UBTF: variants seen among roughly 807,000 people sequenced by gnomAD.
The protein encoded by UBTF is nucleolar transcription factor 1.
Under a neutral mutation model 112.3 loss-of-function variants are expected in UBTF, and 8 were observed. That is an observed-to-expected ratio of 0.07 (90% CI 0.04 to 0.13). The LOEUF (loss-of-function observed/expected upper bound fraction) is 0.13, where lower values mean the gene tolerates loss of function less well. Among genes scored for constraint, UBTF ranks in the 10% least tolerant of loss-of-function variants. The pLI is 1.00. For missense variants in UBTF, 457 were observed against 982.1 expected, an observed-to-expected ratio of 0.47 and a Z score of 7.15; for synonymous variants, 417 against 373.1, an observed-to-expected ratio of 1.12 and a Z score of -1.36.
In UBTF at chr17:44,211,634, T is replaced by C; in HGVS notation, c.1019A>G (p.Lys340Arg). Residue 340 changes from lysine to arginine, a missense_variant, in exon 10 of 21, where the codon AAG becomes AGG. Transcript: ENST00000436088. This position sits in a 1 kb window ranked among gnomAD's most constrained non-coding sequence, Gnocchi z 4.9. ...ATCACACTTCTTGTGATAGGCGTCCTTCTCCTTCTGGGACAGCAGCTTCCA... is the reference window on the plus strand; with the variant it reads ...ATCACACTTCTTGTGATAGGCGTCCCTCTCCTTCTGGGACAGCAGCTTCCA... ...QQWKLLSQKE[K>R]DAYHKKCDQK... 6.2e-7 allele frequency: 1 copy of C among 1,611,768 alleles called. No individual in the cohort carries two copies. Among genetic ancestry groups the C allele is most frequent in the Non-Finnish European group, 8.5e-7 (1 of 1,179,942 alleles).
chr17:44,220,049 G>GGCGGCTGCT (rs2047098739), upstream of UBTF, among the ~76,000 whole-genome samples: 1 of 141,192 alleles, frequency 7.1e-6, no homozygotes, highest in Non-Finnish European at 1.6e-5. Context: ...TGGCGGCGGC[G>GGCGGCTGCT]GCGGCTGCTG....
rs2047051992 is a variant in UBTF, at chr17:44,219,451, C to T, written c.-74G>A. 1 of 152,270 alleles carries T rather than the reference C, an allele frequency of 6.6e-6. No individual in the cohort carries two copies. The highest frequency in any genetic ancestry group is 1.5e-5 in the Non-Finnish European group (1 of 67,998). The allele number at this position is 152,270 out of a possible 1,614,324, so 9.4% of individuals were successfully genotyped here. On this transcript the variant is annotated 5_prime_UTR_variant, in exon 1 of 21. Transcript: ENST00000436088. ...CCTCAGCCGCCTCGGTTACCCGGCG[C>T]AGCGCGGCCTCCGGGCTTCCCGCTC...
intron 7 of UBTF, 40 bp downstream of exon 7, chr17:44,212,779 C>T: frequency 1.2e-6 from 2 of 1,610,234 alleles, no homozygotes; most frequent in Non-Finnish European, 1.7e-6. Context: ...CTGGCCACCG[C>T]CGTGCATCCT....
rs770607035 is a variant in UBTF, at chr17:44,207,237, G to A, written c.*5C>T. The A allele has an allele frequency of 7.4e-6, 12 of 1,613,402 alleles. No homozygotes were observed. Among genetic ancestry groups the A allele is most frequent in the Non-Finnish European group, 1.0e-5 (12 of 1,179,844 alleles). On this transcript the variant is annotated 3_prime_UTR_variant, in exon 21 of 21. Transcript: ENST00000436088. ...TCCCTGGCTGCCCTGGGGTGGGGCT[G>A]AGCCTCAGTTGGAGTCAGAGTCTGA...
chr17:44,208,498 G>A (rs1275490357), intron 17 of UBTF: 2 of 136,694 alleles, frequency 1.5e-5, no homozygotes. Context: ...TTTCGCAAAT[G>A]GAAGCTCCTA....
At chr17:44,215,490 G>A (rs1355909494) in intron 5 of UBTF, 164 bp downstream of exon 5, 17 of 830,492 alleles carry the variant, frequency 2.0e-5, no homozygotes, top group Non-Finnish European at 2.8e-5. Context: ...TGTGTGGGCC[G>A]AGGAAGGGGC....
At position 44,210,307 on chromosome 17, in the gene UBTF, A is replaced by C. The variant is rs202013296; in HGVS notation, c.1515+11T>G. The stretch of plus-strand genomic sequence containing the variant: ...AGAGGCTGCAGTACTACCCTTTCCC[A>C]CCCCTGTCACCTTGAAGCGGGCCAG... On this transcript the variant is annotated intron_variant, in intron 14 of 20. Transcript: ENST00000436088. The C allele has an allele frequency of 4.3e-6, 7 of 1,614,040 alleles. No individual in the cohort carries two copies. Among genetic ancestry groups the C allele is most frequent in the Non-Finnish European group, 5.1e-6 (6 of 1,179,980 alleles).
At chr17:44,220,560 C>T (rs1208511379), upstream of UBTF, among the ~76,000 whole-genome samples, 5 of 151,954 alleles carry the variant, frequency 3.3e-5, no homozygotes, top group Admixed American at 1.3e-4. Flanking sequence ...ATCCCCGTTG[C>T]TCTTTACACC....
At chr17:44,220,728 G>A (rs772016769), upstream of UBTF, 3 of 151,710 alleles carry the variant, frequency 2.0e-5, no homozygotes, top group Non-Finnish European at 2.9e-5. Flanking sequence ...CGCGGCTCCC[G>A]GGCTCACTTA....
intron 3 of UBTF, 154 bp downstream of exon 3, chr17:44,216,375 C>T (rs912515288): frequency 2.3e-6 from 2 of 886,550 alleles, no homozygotes; most frequent in Admixed American, 2.2e-5. Flanking sequence ...AACCGTGCCA[C>T]CTCCCAAAAT....
Position 44,212,466 on chromosome 17 carries a change from A to G in UBTF, c.661-12T>C. 7.3e-7 allele frequency: 1 copy of G among 1,361,336 alleles called. No homozygotes were observed. Among genetic ancestry groups the G allele is most frequent in the Non-Finnish European group, 9.9e-7 (1 of 1,015,052 alleles). 84.3% of individuals were successfully genotyped at this position (1,361,336 alleles called of 1,614,324 possible). A position where few individuals can be genotyped will look rare whatever the true frequency, so the allele number is the denominator to read the frequency against. Reference sequence around the variant, plus strand: ...TCCTTCGTAGTGGCCTGCAAACCAAAAGCCGTCAGACACGCACAGGCAGCC... The same window carrying G: ...TCCTTCGTAGTGGCCTGCAAACCAAGAGCCGTCAGACACGCACAGGCAGCC... On this transcript the variant is annotated splice_polypyrimidine_tract_variant and intron_variant, in intron 7 of 20. Coordinates refer to ENST00000436088, the MANE Select transcript of UBTF (RefSeq NM_014233.4).
chr17:44,216,770 C>A, intron 2 of UBTF, 66 bp from the exon 3 acceptor site: 3 of 1,533,004 alleles, frequency 2.0e-6, no homozygotes, highest in Non-Finnish European at 1.8e-6. Flanking sequence ...TTCCCCAGTT[C>A]TTGAGTGCTC....
At position 44,207,522 on chromosome 17, in the gene UBTF, C is replaced by T. The variant is rs779768259; in HGVS notation, c.2101G>A (p.Asp701Asn). 1.3e-5 allele frequency: 21 copies of T among 1,614,072 alleles called. No individual in the cohort carries two copies. The highest frequency in any genetic ancestry group is 1.8e-5 in the Non-Finnish European group (21 of 1,180,010). Residue 701 changes from aspartate (D) to asparagine (N), a missense_variant, in exon 20 of 21, where the codon GAC becomes AAC. Physicochemically the swap from Asp to Asn is conservative, Grantham distance 23 (BLOSUM62 1). Around this residue, in one of 7 missense-constraint regions of UBTF, gnomAD observed 139 missense variants for 157.5 expected, o/e 0.88. Coordinates refer to ENST00000436088, the MANE Select transcript of UBTF (RefSeq NM_014233.4). ...GAGTCGCCGCCATCTTCAGAGGAGTCCCCATTCTCATCATCTTCCTCTTCT... is the reference window on the plus strand; with the variant it reads ...GAGTCGCCGCCATCTTCAGAGGAGTTCCCATTCTCATCATCTTCCTCTTCT... Reference protein sequence around the residue: ...DEEEEDDENGDSSEDGGDSSE... With the variant: ...DEEEEDDENGNSSEDGGDSSE...
rs1282329380 is a variant in UBTF, at chr17:44,216,709, TAA to T, written c.59-7_59-6del. The T allele has an allele frequency of 6.2e-7, 1 of 1,613,924 alleles. No individual in the cohort carries two copies. Among genetic ancestry groups the T allele is most frequent in the African/African-American group, 1.3e-5 (1 of 74,928 alleles). ...TGTCTTCCTGGGACCAACGGTCTGG[TAA>T]AGAGTAACAGAGGCCATCATGCCTG... On this transcript the variant is annotated splice_region_variant and splice_polypyrimidine_tract_variant and intron_variant, in intron 2 of 20. Coordinates refer to ENST00000436088, the MANE Select transcript of UBTF (RefSeq NM_014233.4).
Position 44,211,837 on chromosome 17 carries a change from T to G in UBTF, c.905+36A>C. Reference sequence around the variant, plus strand: ...GCAGAGCCCAGCCCAACTTCCCAGCTGCCCACTCGCCCACCCATCCCAGGG... The same window carrying G: ...GCAGAGCCCAGCCCAACTTCCCAGCGGCCCACTCGCCCACCCATCCCAGGG... On this transcript the variant is annotated intron_variant, in intron 9 of 20. Transcript: ENST00000436088. The surrounding 1 kb of genome is among the most constrained non-coding windows in gnomAD (Gnocchi z 4.9). The G allele has an allele frequency of 6.2e-7, 1 of 1,605,420 alleles. No individual in the cohort carries two copies. Among genetic ancestry groups the G allele is most frequent in the Non-Finnish European group, 8.5e-7 (1 of 1,175,958 alleles).
At chr17:44,213,035 C>G in intron 6 of UBTF, 96 bp from the exon 7 acceptor site, 2 of 1,568,904 alleles carry the variant, frequency 1.3e-6, no homozygotes, top group Non-Finnish European at 1.7e-6. Flanking sequence ...GGCCTTTCAG[C>G]TGGGGCTCAG....
intron 5 of UBTF, among the ~76,000 whole-genome samples, chr17:44,214,608 C>T (rs1282247450): frequency 6.6e-6 from 1 of 151,664 alleles, no homozygotes; most frequent in Non-Finnish European, 1.5e-5. Context: ...ACAGTTCCAG[C>T]AATCCATACC....
In UBTF at chr17:44,206,708, G is replaced by A. The variant is rs527908125; in HGVS notation, c.*534C>T. On this transcript the variant is annotated 3_prime_UTR_variant, in exon 21 of 21. Transcript: ENST00000436088. ...GGGTCCAGGCAGCTCCTTCCTGCAGGGGGCAGGGGAGAGGGCCACCAGGGC... is the reference window on the plus strand; with the variant it reads ...GGGTCCAGGCAGCTCCTTCCTGCAGAGGGCAGGGGAGAGGGCCACCAGGGC... 2 of 160,438 alleles carry A rather than the reference G, an allele frequency of 1.2e-5. No individual in the cohort carries two copies. Among genetic ancestry groups the A allele is most frequent in the South Asian group, 4.0e-4 (2 of 5,016 alleles). 9.9% of individuals were successfully genotyped at this position (160,438 alleles called of 1,614,324 possible). A position where few individuals can be genotyped will look rare whatever the true frequency, so the allele number is the denominator to read the frequency against.
Position 44,211,793 on chromosome 17 carries a change from G to A in UBTF, c.906-46C>T. 1 of 1,600,008 alleles carries A rather than the reference G, an allele frequency of 6.2e-7. No homozygotes were observed. The highest frequency in any genetic ancestry group is 8.5e-7 in the Non-Finnish European group (1 of 1,174,734). ...GAGGTGCAGCCCGTAAGCGAGCAGGGCAGCAGGCCTTCTCACCTGCAGAGC... is the reference window on the plus strand; with the variant it reads ...GAGGTGCAGCCCGTAAGCGAGCAGGACAGCAGGCCTTCTCACCTGCAGAGC... On this transcript the variant is annotated intron_variant, in intron 9 of 20. Transcript: ENST00000436088. This position sits in a 1 kb window ranked among gnomAD's most constrained non-coding sequence, Gnocchi z 4.9.
Sources: allele counts gnomAD v4.1 joint callset (sites outside exome capture counted in the v4.1 genomes callset), GRCh38; gene constraint gnomAD v4.1.1; regional missense constraint gnomAD v4.1.1; non-coding constraint Gnocchi (gnomAD v3.1); transcripts MANE v1.5; gene names NCBI Gene and HGNC (gene_info 2026-07-23, HGNC 2026-07-21).